Variants in FMN1 observed in about 807,000 individuals in gnomAD.
The protein encoded by FMN1 is formin 1.
Under a neutral mutation model 132.4 loss-of-function variants are expected in FMN1, and 110 were observed. That is an observed-to-expected ratio of 0.83 (90% confidence interval 0.71 to 0.97). The LOEUF (loss-of-function observed/expected upper bound fraction) is 0.97, where lower values mean the gene tolerates loss of function less well. Ranked by LOEUF, FMN1 falls within the 50% of genes least tolerant of loss-of-function variation. FMN1 has a pLI of 0.00. For missense variants in FMN1, 1,792 were observed against 1,705.3 expected, an observed-to-expected ratio of 1.05 and a Z score of -0.90; for synonymous variants, 722 against 651.7, an observed-to-expected ratio of 1.11 and a Z score of -1.64.
chr15:33,141,134 T>C (rs969540063), intron 4 of FMN1, among the ~76,000 whole-genome samples: 10 of 152,214 alleles, frequency 6.6e-5, no homozygotes, highest in African/African-American at 2.4e-4. Context: ...TCATCTGTCA[T>C]AGTCAAATGC....
intron 7 of FMN1, among the ~76,000 whole-genome samples, chr15:32,988,837 C>A (rs1167463207): frequency 1.3e-5 from 2 of 152,238 alleles, no homozygotes; most frequent in Non-Finnish European, 2.9e-5. Context: ...CTTTAGCTCC[C>A]CATCTATAAA....
chr15:33,038,413 T>A (rs1011384416), intron 6 of FMN1, among the ~76,000 whole-genome samples: 1 of 152,232 alleles, frequency 6.6e-6, no homozygotes, highest in Non-Finnish European at 1.5e-5. Flanking sequence ...CGTTTCAATT[T>A]TATTTTTTTC....
Position 32,926,271 on chromosome 15 carries a change from G to T in FMN1, c.3139-10C>A, listed in dbSNP as rs200905611. ...CCAACAATTTGATGATCTAAAATTA[G>T]AAAAAAAAAAAAAAGAATACAAGCT... On this transcript the variant is annotated splice_polypyrimidine_tract_variant and intron_variant, in intron 9 of 20. Transcript: ENST00000616417. The T allele has an allele frequency of 1.2e-4, 117 of 994,262 alleles. No individual in the cohort carries two copies. The highest frequency in any genetic ancestry group is 1.4e-4 in the Non-Finnish European group (102 of 708,122). The allele number at this position is 994,262 out of a possible 1,614,324, so 61.6% of individuals were successfully genotyped here.
At chr15:32,964,016 T>TATATACACACACAC (rs1555505892) in intron 9 of FMN1, 91 bp downstream of exon 9, 36 of 508,326 alleles carry the variant, frequency 7.1e-5, no homozygotes, top group African/African-American at 5.2e-4. Context: ...GTATATACGA[T>TATATACACACACAC]ACACACACAC....
intron 4 of FMN1, among the ~76,000 whole-genome samples, chr15:33,107,240 C>T: frequency 6.6e-6 from 1 of 151,966 alleles, no homozygotes; most frequent in East Asian, 1.9e-4. Flanking sequence ...ACATCATTAC[C>T]ACCTCAGTCT....
chr15:32,888,380 G>T, intron 15 of FMN1, 88 bp from the exon 16 acceptor site: 2 of 1,230,550 alleles, frequency 1.6e-6, no homozygotes, highest in Non-Finnish European at 2.2e-6. Context: ...AAAAAAAAAA[G>T]CTTTTTTATT....
At chr15:33,064,718 C>G (rs572587925) in intron 6 of FMN1, 4 of 314,832 alleles carry the variant, frequency 1.3e-5, no homozygotes, top group Admixed American at 5.1e-5. Flanking sequence ...CCAAGGTTCT[C>G]CTACTTCACA....
At chr15:33,140,336 A>G (rs917695098) in intron 4 of FMN1, among the ~76,000 whole-genome samples, 2 of 145,272 alleles carry the variant, frequency 1.4e-5, no homozygotes, top group Admixed American at 1.4e-4. Context: ...CTTCAAAAAT[A>G]AAGTTACCCT....
intron 2 of FMN1, 66 bp from the exon 3 acceptor site, chr15:33,180,328 G>A (rs1322095702): frequency 6.6e-6 from 1 of 151,978 alleles, no homozygotes; most frequent in South Asian, 2.1e-4. Flanking sequence ...GTGTGTATGT[G>A]TTACTGTGTT....
chr15:33,105,814 A>G (rs2140099223), intron 4 of FMN1: 1 of 152,202 alleles, frequency 6.6e-6, no homozygotes, highest in East Asian at 1.9e-4. Flanking sequence ...GGACAAGAAA[A>G]AAAAAACTTC....
intron 2 of FMN1, among the ~76,000 whole-genome samples, chr15:33,180,779 C>T (rs1247058770): frequency 2.2e-5 from 3 of 136,958 alleles, no homozygotes; most frequent in Non-Finnish European, 4.6e-5. Flanking sequence ...GACAGAGTCT[C>T]ACTCTGGTTG....
chr15:33,008,667 G>C (rs1240044247), intron 6 of FMN1, among the ~76,000 whole-genome samples: 1 of 152,184 alleles, frequency 6.6e-6, no homozygotes, highest in Non-Finnish European at 1.5e-5. Context: ...ATTTTAATAT[G>C]AGTCTAATAA....
chr15:32,851,662 AAATT>A (rs1262063249), intron 17 of FMN1, among the ~76,000 whole-genome samples: 1 of 152,258 alleles, frequency 6.6e-6, no homozygotes, highest in African/African-American at 2.4e-5. Flanking sequence ...TCAGAAAATG[AAATT>A]AAGAAAAAGT....
At position 32,832,827 on chromosome 15, in the gene FMN1, C is replaced by T. The variant is rs147581387; in HGVS notation, c.3928+24188G>A. Reference sequence around the variant, plus strand: ...GCTGATAATCCAAGGCCTGATGATACGGGGGTTATTTGCTGAAGCTTCTAT... The same window carrying T: ...GCTGATAATCCAAGGCCTGATGATATGGGGGTTATTTGCTGAAGCTTCTAT... On this transcript the variant is annotated intron_variant, in intron 17 of 20. Coordinates refer to ENST00000616417, the MANE Select transcript of FMN1 (RefSeq NM_001277313.2). 1.9e-4 allele frequency among the ~76,000 whole-genome samples: 29 copies of T among 152,134 alleles called. No individual in the cohort carries two copies. The East Asian group carries it at 4.8e-3, about 25-fold the overall frequency.
chr15:32,848,458 G>A (rs73370803), intron 17 of FMN1, among the ~76,000 whole-genome samples: 4 of 152,322 alleles, frequency 2.6e-5, no homozygotes, highest in South Asian at 4.1e-4. Context: ...CATCTAGAGC[G>A]ATGTTGAAGA....
chr15:33,089,534 C>G (rs1176282145), intron 4 of FMN1, among the ~76,000 whole-genome samples: 2 of 152,212 alleles, frequency 1.3e-5, no homozygotes, highest in East Asian at 3.8e-4. Flanking sequence ...CTAGCTTATT[C>G]TAACCTAAAC....
intron 19 of FMN1, among the ~76,000 whole-genome samples, chr15:32,798,225 A>G (rs1239763471): frequency 1.4e-5 from 2 of 145,592 alleles, no homozygotes; most frequent in Non-Finnish European, 3.0e-5. Flanking sequence ...CACCCCGTCT[A>G]TATTCAGAGT....
chr15:32,873,233 A>C (rs1422502801), intron 16 of FMN1, among the ~76,000 whole-genome samples: 2 of 152,242 alleles, frequency 1.3e-5, no homozygotes, highest in Non-Finnish European at 2.9e-5. Context: ...TGTGGCCTAT[A>C]AACAAGGTTT....
At chr15:33,007,625 T>C (rs16962944) in intron 7 of FMN1, among the ~76,000 whole-genome samples, 17,437 of 152,146 alleles carry the variant, frequency 0.11, 1,197 homozygotes, top group Middle Eastern at 0.19. Flanking sequence ...ATTGCAGGGA[T>C]GTGCTAAGAA....
Sources: allele counts gnomAD v4.1 joint callset (sites outside exome capture counted in the v4.1 genomes callset), GRCh38; gene constraint gnomAD v4.1.1; transcripts MANE v1.5; gene names NCBI Gene and HGNC (gene_info 2026-07-23, HGNC 2026-07-21).